CFAP54: variants seen among roughly 807,000 people sequenced by gnomAD.
CFAP54 encodes cilia and flagella associated protein 54, also known as cilia- and flagella-associated protein 54.
Under a neutral mutation model 370.4 loss-of-function variants are expected in CFAP54, and 290 were observed. The ratio of observed to expected loss-of-function variants is 0.78; its 90% CI spans 0.71 to 0.86. The LOEUF (loss-of-function observed/expected upper bound fraction) is 0.86, where lower values mean the gene tolerates loss of function less well. Ranked by LOEUF, CFAP54 falls within the 40% of genes least tolerant of loss-of-function variation. CFAP54 has a pLI of 0.00. For missense variants in CFAP54, 3,399 were observed against 3,528.7 expected, an observed-to-expected ratio of 0.96 and a Z score of 0.93; for synonymous variants, 1,206 against 1,236.5, an observed-to-expected ratio of 0.98 and a Z score of 0.52.
intron 50 of CFAP54, among the ~76,000 whole-genome samples, chr12:96,738,009 C>T (rs1223534930): frequency 1.3e-5 from 2 of 152,118 alleles, no homozygotes; most frequent in African/African-American, 4.8e-5. Context: ...GAAGAGATCA[C>T]TGTGGCTGCT....
intron 63 of CFAP54, among the ~76,000 whole-genome samples, chr12:96,797,704 A>G (rs942183108): frequency 1.4e-4 from 22 of 152,066 alleles, no homozygotes; most frequent in African/African-American, 5.3e-4. Context: ...TATTATTTTC[A>G]TGGTAATATT....
intron 26 of CFAP54, among the ~76,000 whole-genome samples, chr12:96,606,168 C>T (rs79734251): frequency 0.092 from 13,987 of 152,240 alleles, 809 homozygotes; most frequent in Middle Eastern, 0.14. Context: ...CTATTTTAGA[C>T]GGGATGACCC....
chr12:96,669,498 G>T (rs900042026), intron 39 of CFAP54, among the ~76,000 whole-genome samples: 4 of 152,188 alleles, frequency 2.6e-5, no homozygotes, highest in African/African-American at 9.7e-5. Context: ...GACTTGGGTG[G>T]TCAGCATAGA....
rs561113083 is a variant in CFAP54, at chr12:96,694,507, A to G, written c.6351+699A>G. Reference sequence around the variant, plus strand: ...ATCTTACGCACACACACACACGCGCACACACACACACACAACATATATTCA... The same window carrying G: ...ATCTTACGCACACACACACACGCGCGCACACACACACACAACATATATTCA... On this transcript the variant is annotated intron_variant, in intron 45 of 67. Transcript: ENST00000524981. Among the ~76,000 whole-genome samples the G allele has an allele frequency of 1.1e-4, 17 of 151,660 alleles. No homozygotes were observed. In the East Asian group the frequency reaches 1.5e-3, roughly 14 times the overall value.
intron 19 of CFAP54, chr12:96,573,122 A>C: frequency 1.2e-6 from 1 of 817,488 alleles, no homozygotes. Flanking sequence ...GGCTCCAGAC[A>C]TAATCCCGAG....
intron 42 of CFAP54, 27 bp downstream of exon 42, chr12:96,685,265 G>T: frequency 6.2e-7 from 1 of 1,606,254 alleles, no homozygotes; most frequent in Non-Finnish European, 8.5e-7. Flanking sequence ...AAGGATCCCC[G>T]TACTAGCTAA....
chr12:96,761,737 T>G (rs1958341660), intron 58 of CFAP54, among the ~76,000 whole-genome samples: 1 of 152,198 alleles, frequency 6.6e-6, no homozygotes, highest in South Asian at 2.1e-4. Flanking sequence ...CACCATTTGT[T>G]GCAAAGACTT....
At chr12:96,826,679 A>T (rs1309395929) in intron 65 of CFAP54, among the ~76,000 whole-genome samples, 1 of 109,472 alleles carries the variant, frequency 9.1e-6, no homozygotes, top group Non-Finnish European at 1.7e-5. Flanking sequence ...TATATAATAT[A>T]TAATATATTA....
chr12:96,797,024 T>C (rs1958770650), intron 63 of CFAP54, among the ~76,000 whole-genome samples: 1 of 152,158 alleles, frequency 6.6e-6, no homozygotes, highest in South Asian at 2.1e-4. Flanking sequence ...TATTATAGTG[T>C]TGACATCATC....
intron 25 of CFAP54, among the ~76,000 whole-genome samples, chr12:96,596,340 A>G (rs1956178613): frequency 6.6e-6 from 1 of 152,116 alleles, no homozygotes; most frequent in Non-Finnish European, 1.5e-5. Context: ...AGTCTTAGGA[A>G]AGAAGTCTCT....
intron 56 of CFAP54, 142 bp downstream of exon 56, chr12:96,754,040 C>A: frequency 4.5e-6 from 3 of 669,442 alleles, no homozygotes; most frequent in Non-Finnish European, 6.7e-6. Flanking sequence ...CACAATGGTA[C>A]CTCCACCAAA....
At chr12:96,604,467 G>A (rs569207609) in intron 26 of CFAP54, among the ~76,000 whole-genome samples, 6 of 152,306 alleles carry the variant, frequency 3.9e-5, no homozygotes, top group African/African-American at 1.4e-4. Context: ...TCGCCATGCT[G>A]GGAGAACCAC....
At chr12:96,824,800 A>T (rs1224719210) in intron 65 of CFAP54, among the ~76,000 whole-genome samples, 1 of 152,146 alleles carries the variant, frequency 6.6e-6, no homozygotes, top group Non-Finnish European at 1.5e-5. Context: ...AACTGTGGTC[A>T]AATTATCTTT....
At chr12:96,615,146 A>C (rs1452618439) in intron 26 of CFAP54, among the ~76,000 whole-genome samples, 2 of 152,236 alleles carry the variant, frequency 1.3e-5, no homozygotes, top group Non-Finnish European at 2.9e-5. Context: ...ACAGCATGGT[A>C]GTGGTACCAA....
chr12:96,791,913 G>A (rs1384280824), intron 62 of CFAP54, among the ~76,000 whole-genome samples: 1 of 149,696 alleles, frequency 6.7e-6, no homozygotes, highest in Non-Finnish European at 1.5e-5. Flanking sequence ...GCAGTGGCAC[G>A]ATCTCAGCTC....
At chr12:96,795,847 T>C (rs1373326193) in intron 63 of CFAP54, among the ~76,000 whole-genome samples, 1 of 152,190 alleles carries the variant, frequency 6.6e-6, no homozygotes, top group African/African-American at 2.4e-5. Flanking sequence ...AAAGTTCAGC[T>C]GGAAGTGTTC....
At position 96,503,973 on chromosome 12, in the gene CFAP54, C is replaced by A. The variant is rs535964849; in HGVS notation, c.511C>A (p.Gln171Lys). 17 of 1,524,474 alleles carry A rather than the reference C, an allele frequency of 1.1e-5. No individual in the cohort carries two copies. In the East Asian group the frequency reaches 3.5e-4, roughly 31 times the overall value. 94.4% of individuals were successfully genotyped at this position (1,524,474 alleles called of 1,614,324 possible). A position where few individuals can be genotyped will look rare whatever the true frequency, so the allele number is the denominator to read the frequency against. Residue 171 changes from glutamine (Q) to lysine (K), a missense_variant, in exon 3 of 68, where the codon CAA becomes AAA. By Grantham distance (53) the Gln-to-Lys change is moderately conservative (BLOSUM62 1). Coordinates refer to ENST00000524981, the MANE Select transcript of CFAP54 (RefSeq NM_001306084.2). ...NFDENKVDVTQFKATFFPKGF... is the reference protein window; with the variant it reads ...NFDENKVDVTKFKATFFPKGF... ...TGATGAGAATAAAGTGGATGTAACT[C>A]AATTCAAAGCTACCTTTTTCCCAAA...
At chr12:96,534,524 C>G (rs558389274) in intron 11 of CFAP54, among the ~76,000 whole-genome samples, 4 of 152,112 alleles carry the variant, frequency 2.6e-5, no homozygotes, top group Non-Finnish European at 5.9e-5. Flanking sequence ...ATTTACTTTC[C>G]GGCTTAGTTG....
chr12:96,868,141 G>T (rs1258306519), intron 67 of CFAP54, among the ~76,000 whole-genome samples: 3 of 151,924 alleles, frequency 2.0e-5, no homozygotes, highest in Non-Finnish European at 4.4e-5. Flanking sequence ...CTTCCTCCCT[G>T]GTGTCTCCAT....
Sources: gnomAD v4.1 joint callset for allele counts (sites outside exome capture counted in the v4.1 genomes callset) on GRCh38, gnomAD v4.1.1 for gene constraint, MANE v1.5 for transcripts, NCBI Gene and HGNC (gene_info 2026-07-23, HGNC 2026-07-21) for gene names.